The following GDPD5 variants were observed in gnomAD, a reference collection of about 807,000 sequenced individuals.
GDPD5 encodes the protein glycerophosphodiester phosphodiesterase domain containing 5.
A neutral mutation model predicts 75.1 loss-of-function variants in GDPD5; 48 were observed. That is an observed-to-expected ratio of 0.64 (90% CI 0.51 to 0.81). GDPD5 has a LOEUF of 0.81. Among genes scored for constraint, GDPD5 ranks in the 40% least tolerant of loss-of-function variants. The probability of loss-of-function intolerance (pLI) is 0.00; values close to 1 mark genes in which losing one functional copy is unlikely to be tolerated. For synonymous variants in GDPD5, 336 were observed against 339.0 expected (o/e 0.99, Z 0.10); for missense variants, 706 against 822.6 (o/e 0.86, Z 1.73).
At chr11:75,439,352 T>C (rs778853529) in intron 15 of GDPD5, 2 of 456,136 alleles carry the variant, frequency 4.4e-6, no homozygotes, top group Non-Finnish European at 4.4e-6. Flanking sequence ...GATCAAGTGA[T>C]AGCTGTGAGA....
chr11:75,449,792 G>A (rs1391838370), intron 7 of GDPD5, 93 bp downstream of exon 7: 55 of 1,368,600 alleles, frequency 4.0e-5, no homozygotes, highest in South Asian at 6.0e-5. Context: ...GACCCTGGGC[G>A]CCTCCCTGCC....
intron 3 of GDPD5, among the ~76,000 whole-genome samples, chr11:75,467,814 C>T (rs1052432398): frequency 1.3e-5 from 2 of 152,168 alleles, no homozygotes; most frequent in Admixed American, 6.5e-5. Context: ...CCTCCAGAAA[C>T]AGGAGCCCCT....
intron 1 of GDPD5, among the ~76,000 whole-genome samples, chr11:75,494,950 T>TCAA (rs889807862): frequency 1.4e-4 from 21 of 150,944 alleles, no homozygotes; most frequent in South Asian, 4.2e-4. Context: ...AGACTCCATC[T>TCAA]CAACAACAAC....
At chr11:75,515,276 G>A (rs1230064304) in intron 1 of GDPD5, among the ~76,000 whole-genome samples, 1 of 152,190 alleles carries the variant, frequency 6.6e-6, no homozygotes, top group African/African-American at 2.4e-5. Context: ...CCCCGTGGGG[G>A]CCTCCCACAT....
chr11:75,479,018 A>C (rs1490093869), intron 2 of GDPD5, among the ~76,000 whole-genome samples: 1 of 152,162 alleles, frequency 6.6e-6, no homozygotes, highest in African/African-American at 2.4e-5. Flanking sequence ...GTATAGCAGC[A>C]AGAGGTGTCT....
chr11:75,476,372 T>A (rs1949778782), intron 3 of GDPD5, among the ~76,000 whole-genome samples: 1 of 151,196 alleles, frequency 6.6e-6, no homozygotes, highest in South Asian at 2.1e-4. Context: ...GAGAGGGGTG[T>A]GTCTCCCCTC....
At chr11:75,485,799 T>G (rs891617372) in intron 2 of GDPD5, 2 of 152,120 alleles carry the variant, frequency 1.3e-5, no homozygotes, top group African/African-American at 4.8e-5. Flanking sequence ...CAGGAAAGCA[T>G]AGGCAGAATG....
rs1177325432 is a variant in GDPD5 at position 75,442,760 on chromosome 11, C to T, written c.949-179G>A. The T allele has an allele frequency of 9.6e-6, 6 of 623,030 alleles. No individual in the cohort carries two copies. The African/African-American group carries it at 1.1e-4, about 11-fold the overall frequency. The allele number at this position is 623,030 out of a possible 1,614,324, so 38.6% of individuals were successfully genotyped here. Reference sequence around the variant, plus strand: ...GGCCCCAGCCCTAACCTTTCTACCCCACACCCTGCTTACCAAGAGGACGGA... The same window carrying T: ...GGCCCCAGCCCTAACCTTTCTACCCTACACCCTGCTTACCAAGAGGACGGA... On this transcript the variant is annotated intron_variant, in intron 11 of 16. Transcript: ENST00000336898.
At chr11:75,478,649 C>G (rs1949834691) in intron 2 of GDPD5, among the ~76,000 whole-genome samples, 1 of 152,212 alleles carries the variant, frequency 6.6e-6, no homozygotes, top group Non-Finnish European at 1.5e-5. Flanking sequence ...GTTGTATTTT[C>G]TGCTGTATTC....
chr11:75,462,875 C>A lies in GDPD5; in HGVS notation c.132G>T (p.Trp44Cys). ...CAAAGGTGAAGGTGAGGAGCAGGAACCAGAGGCGCTCCCACTGGAAGAGCA... is the reference window on the plus strand; with the variant it reads ...CAAAGGTGAAGGTGAGGAGCAGGAAACAGAGGCGCTCCCACTGGAAGAGCA... ...HDDTTPWERLWFLLLTFTFGL... is the reference protein window; with the variant it reads ...HDDTTPWERLCFLLLTFTFGL... Residue 44 changes from tryptophan (W) to cysteine (C), a missense_variant, in exon 4 of 17, where the codon TGG (tryptophan) becomes TGT (cysteine). Physicochemically the swap from Trp to Cys is radical, Grantham distance 215 (BLOSUM62 -2). Transcript: ENST00000336898. 3.7e-6 allele frequency: 6 copies of A among 1,613,918 alleles called. No individual in the cohort carries two copies. Among genetic ancestry groups the A allele is most frequent in the Non-Finnish European group, 5.1e-6 (6 of 1,179,924 alleles).
chr11:75,462,973 T>C lies in GDPD5; in HGVS notation c.118-84A>G. 3.7e-6 allele frequency: 4 copies of C among 1,090,368 alleles called. No homozygotes were observed. In the South Asian group the frequency reaches 5.4e-5, roughly 15 times the overall value. The allele number at this position is 1,090,368 out of a possible 1,614,324, so 67.5% of individuals were successfully genotyped here. A position where few individuals can be genotyped will look rare whatever the true frequency, so the allele number is the denominator to read the frequency against. On this transcript the variant is annotated intron_variant, in intron 3 of 16. Coordinates refer to ENST00000336898, the MANE Select transcript of GDPD5 (RefSeq NM_030792.8). ...TCCCACCAGAATGTGTCCTCCTCCCTCCCACTTTGTAGCCAAACCTGCCAG... is the reference window on the plus strand; with the variant it reads ...TCCCACCAGAATGTGTCCTCCTCCCCCCCACTTTGTAGCCAAACCTGCCAG...
chr11:75,441,568 G>A, intron 13 of GDPD5, 78 bp downstream of exon 13: 1 of 1,223,894 alleles, frequency 8.2e-7, no homozygotes, highest in Non-Finnish European at 1.1e-6. Flanking sequence ...GTGTGTGTGT[G>A]TTGGGGGGTG....
chr11:75,487,043 G>C (rs1326548446), intron 2 of GDPD5, among the ~76,000 whole-genome samples: 2 of 152,156 alleles, frequency 1.3e-5, no homozygotes, highest in Admixed American at 1.3e-4. Flanking sequence ...CCCAGGGTGA[G>C]GGCTGCAGGT....
rs898470793 is a variant in GDPD5, at chr11:75,443,770, A to C, written c.798-484T>G. On this transcript the variant is annotated intron_variant, in intron 10 of 16. Coordinates refer to ENST00000336898, the MANE Select transcript of GDPD5 (RefSeq NM_030792.8). The stretch of plus-strand genomic sequence containing the variant: ...TCCTTGTCTACTCTACCAGGGTTGC[A>C]AATAGCTCATATGGTGCCTTAGTGT... Among the ~76,000 whole-genome samples, 3 of 152,222 alleles carry C rather than the reference A, an allele frequency of 2.0e-5. No homozygotes were observed. In the South Asian group the frequency reaches 6.2e-4, roughly 32 times the overall value.
chr11:75,448,782 A>G, intron 9 of GDPD5, 195 bp downstream of exon 9: 1 of 1,188,250 alleles, frequency 8.4e-7, no homozygotes. Context: ...AAATCTTTTT[A>G]GCAAGATGCC....
intron 2 of GDPD5, among the ~76,000 whole-genome samples, chr11:75,481,522 G>A (rs994996717): frequency 6.6e-6 from 1 of 152,044 alleles, no homozygotes; most frequent in Non-Finnish European, 1.5e-5. Context: ...GGGCCTGGGG[G>A]ACAGGCTGGG....
At chr11:75,439,323 GACC>G in intron 15 of GDPD5, 1 of 456,056 alleles carries the variant, frequency 2.2e-6, no homozygotes, top group South Asian at 1.6e-5. Flanking sequence ...GGAGGAGGAA[GACC>G]ACACCAGAAT....
intron 15 of GDPD5, chr11:75,439,214 G>A (rs757983706): frequency 5.7e-5 from 23 of 405,306 alleles, no homozygotes; most frequent in Non-Finnish European, 9.6e-5. Context: ...TCAGGCGAGC[G>A]CGCTGTCTGC....
chr11:75,512,494 G>T (rs1217276201), intron 1 of GDPD5, among the ~76,000 whole-genome samples: 1 of 152,126 alleles, frequency 6.6e-6, no homozygotes, highest in Non-Finnish European at 1.5e-5. Flanking sequence ...AGGCAGGCGG[G>T]GTTCCTAAGG....
Sources: gnomAD v4.1 joint callset for allele counts (sites outside exome capture counted in the v4.1 genomes callset) on GRCh38, gnomAD v4.1.1 for gene constraint, MANE v1.5 for transcripts, NCBI Gene and HGNC (gene_info 2026-07-23, HGNC 2026-07-21) for gene names.